CTNNA3: variants seen among roughly 807,000 people sequenced by gnomAD.
CTNNA3 encodes the protein catenin alpha 3.
A neutral mutation model predicts 95.7 loss-of-function variants in CTNNA3; 76 were observed. The ratio of observed to expected loss-of-function variants is 0.79; its 90% CI spans 0.66 to 0.96. The LOEUF is 0.96. Ranked by LOEUF, CTNNA3 falls within the 40% of genes least tolerant of loss-of-function variation. CTNNA3 has a pLI of 0.00. For missense variants in CTNNA3, 1,191 were observed against 1,089.8 expected, an observed-to-expected ratio of 1.09 and a Z score of -1.31; for synonymous variants, 431 against 374.4, an observed-to-expected ratio of 1.15 and a Z score of -1.74.
intron 1 of CTNNA3, among the ~76,000 whole-genome samples, chr10:67,704,074 G>C (rs1433898611): frequency 1.3e-5 from 2 of 152,196 alleles, no homozygotes; most frequent in Admixed American, 6.5e-5. Flanking sequence ...TACAAGGGAT[G>C]TGAAGGACCT....
intron 11 of CTNNA3, among the ~76,000 whole-genome samples, chr10:66,428,901 A>G (rs1289999208): frequency 6.6e-6 from 1 of 152,072 alleles, no homozygotes; most frequent in Non-Finnish European, 1.5e-5. Flanking sequence ...AATAACTAAG[A>G]TCAGAGCAGA....
At chr10:67,566,041 G>GTATACATATATATA (rs1388066358) in intron 3 of CTNNA3, among the ~76,000 whole-genome samples, 1 of 29,432 alleles carries the variant, frequency 3.4e-5, no homozygotes, top group African/African-American at 1.4e-4. Flanking sequence ...ATATGTGTGT[G>GTATACATATATATA]TGTATATATA....
chr10:67,379,283 C>T (rs1589232496), intron 5 of CTNNA3, among the ~76,000 whole-genome samples: 1 of 152,034 alleles, frequency 6.6e-6, no homozygotes, highest in East Asian at 1.9e-4. Flanking sequence ...TCAGCTCTAG[C>T]CCCCCGCTTG....
chr10:67,163,000 T>G (rs1275918927), intron 7 of CTNNA3, among the ~76,000 whole-genome samples: 1 of 151,954 alleles, frequency 6.6e-6, no homozygotes, highest in South Asian at 2.1e-4. Context: ...ATATAAAAAC[T>G]CCTGGAAAAG....
rs896965642 is a variant in CTNNA3 at position 67,038,047 on chromosome 10, G to T, written c.1047+142270C>A. Among the ~76,000 whole-genome samples the T allele has an allele frequency of 2.0e-5, 3 of 152,008 alleles. No homozygotes were observed. In the East Asian group the frequency reaches 5.8e-4, roughly 29 times the overall value. On this transcript the variant is annotated intron_variant, in intron 7 of 17. Coordinates refer to ENST00000433211, the MANE Select transcript of CTNNA3 (RefSeq NM_013266.4). ...AGATTTTACATCTAATAATATTGTT[G>T]ACTGTGTCCACCTGTAGTGGCAAAC...
At chr10:67,009,579 C>T (rs553941031) in intron 7 of CTNNA3, among the ~76,000 whole-genome samples, 2 of 151,860 alleles carry the variant, frequency 1.3e-5, no homozygotes, top group South Asian at 2.1e-4. Context: ...TTTCCCTGAG[C>T]GAATGGGTAA....
At chr10:66,679,618 A>G (rs1846993021) in intron 9 of CTNNA3, among the ~76,000 whole-genome samples, 1 of 152,176 alleles carries the variant, frequency 6.6e-6, no homozygotes, top group African/African-American at 2.4e-5. Flanking sequence ...TTTACCCCAG[A>G]AGTATTCTTC....
At position 66,003,310 on chromosome 10, in the gene CTNNA3, C is replaced by CGGT. The variant is rs1003593936; in HGVS notation, c.2160-14516_2160-14514dup. Among the ~76,000 whole-genome samples, 10 of 148,150 alleles carry CGGT rather than the reference C, an allele frequency of 6.7e-5. No homozygotes were observed. The South Asian group carries it at 8.6e-4, about 13-fold the overall frequency. ...TTACTATTGCCATTGCTGCTGGTGG[C>CGGT]GGTGGTGGTGGTGGTGGTGGTGTGT... On this transcript the variant is annotated intron_variant, in intron 15 of 17. Transcript: ENST00000433211.
intron 7 of CTNNA3, among the ~76,000 whole-genome samples, chr10:66,946,699 T>C (rs909166389): frequency 1.3e-5 from 2 of 152,170 alleles, no homozygotes; most frequent in African/African-American, 2.4e-5. Context: ...GATTCATCTA[T>C]ATTCTTGAGT....
intron 5 of CTNNA3, among the ~76,000 whole-genome samples, chr10:67,328,021 C>A (rs918443584): frequency 6.6e-6 from 1 of 152,080 alleles, no homozygotes; most frequent in African/African-American, 2.4e-5. Context: ...GCAGGGCTGG[C>A]TGACTCTGTG....
chr10:66,328,913 T>TAC (rs1353269152), intron 12 of CTNNA3, among the ~76,000 whole-genome samples: 4 of 98,446 alleles, frequency 4.1e-5, no homozygotes, highest in East Asian at 6.1e-4. Flanking sequence ...CATATATACA[T>TAC]ATATATATAT....
chr10:67,000,384 A>G (rs992146873), intron 7 of CTNNA3, among the ~76,000 whole-genome samples: 2 of 152,200 alleles, frequency 1.3e-5, no homozygotes, highest in Admixed American at 6.5e-5. Context: ...GAATTGGCAC[A>G]AGAAGGTTAA....
At chr10:67,147,943 C>T (rs1287698708) in intron 7 of CTNNA3, among the ~76,000 whole-genome samples, 1 of 152,114 alleles carries the variant, frequency 6.6e-6, no homozygotes, top group Non-Finnish European at 1.5e-5. Context: ...CTTGTTTCTT[C>T]AATAACTTCA....
chr10:66,950,151 G>C (rs1848465870), intron 7 of CTNNA3, among the ~76,000 whole-genome samples: 1 of 151,918 alleles, frequency 6.6e-6, no homozygotes, highest in Admixed American at 6.6e-5. Context: ...ATTGCTTTTT[G>C]ACAAATTATA....
intron 7 of CTNNA3, among the ~76,000 whole-genome samples, chr10:67,053,353 T>C (rs1855228444): frequency 6.6e-6 from 1 of 152,146 alleles, no homozygotes; most frequent in Non-Finnish European, 1.5e-5. Context: ...TGAGGTGAGA[T>C]AGAAGAAGTT....
chr10:67,168,580 A>G (rs1412238628), intron 7 of CTNNA3, among the ~76,000 whole-genome samples: 1 of 152,132 alleles, frequency 6.6e-6, no homozygotes, highest in African/African-American at 2.4e-5. Flanking sequence ...AAAATTCAAC[A>G]CCCGTTCATG....
At chr10:66,907,762 C>G (rs1846052394) in intron 7 of CTNNA3, among the ~76,000 whole-genome samples, 1 of 152,144 alleles carries the variant, frequency 6.6e-6, no homozygotes, top group Admixed American at 6.5e-5. Flanking sequence ...GTGCCACTAC[C>G]ACTGGAAGAT....
At chr10:66,954,825 G>A (rs1848706835) in intron 7 of CTNNA3, among the ~76,000 whole-genome samples, 1 of 151,996 alleles carries the variant, frequency 6.6e-6, no homozygotes, top group Admixed American at 6.6e-5. Flanking sequence ...GATTATTATA[G>A]GCCTTGGGCT....
chr10:66,068,695 T>A (rs900468933), intron 15 of CTNNA3, among the ~76,000 whole-genome samples: 5 of 152,158 alleles, frequency 3.3e-5, no homozygotes, highest in Admixed American at 6.6e-5. Flanking sequence ...ATTATTTTAG[T>A]TGTTATAGTT....
Sources: allele counts gnomAD v4.1 joint callset (sites outside exome capture counted in the v4.1 genomes callset), GRCh38; gene constraint gnomAD v4.1.1; transcripts MANE v1.5; gene names NCBI Gene and HGNC (gene_info 2026-07-23, HGNC 2026-07-21).